RIN2: variants seen among roughly 807,000 people sequenced by gnomAD.
RIN2 encodes the protein Ras and Rab interactor 2, also known as RAB5 interacting protein 2.
RIN2 carries 36 observed loss-of-function variants against 78.0 expected under a neutral mutation model. The observed-to-expected ratio is 0.46, with a 90% CI of 0.35 to 0.61. The LOEUF (loss-of-function observed/expected upper bound fraction) is 0.61. Ranked by LOEUF, RIN2 falls within the 20% of genes least tolerant of loss-of-function variation. RIN2 has a pLI of 0.00. For missense variants in RIN2, 1,087 were observed against 1,159.7 expected (o/e 0.94, Z 0.91); for synonymous variants, 466 against 466.8 (o/e 1.00, Z 0.02).
intron 10 of RIN2, among the ~76,000 whole-genome samples, chr20:19,990,992 G>A (rs936598991): frequency 6.6e-6 from 1 of 152,148 alleles, no homozygotes; most frequent in African/African-American, 2.4e-5. Context: ...TAGATGCAGG[G>A]GTAACCATGA....
intron 2 of RIN2, among the ~76,000 whole-genome samples, chr20:19,857,811 C>T (rs554808334): frequency 1.2e-4 from 19 of 152,132 alleles, no homozygotes; most frequent in East Asian, 5.8e-4. Context: ...CAAAGTGAGA[C>T]CCTGTCTCTA....
chr20:19,771,855 T>C (rs1242972882), intron 1 of RIN2, among the ~76,000 whole-genome samples: 1 of 152,146 alleles, frequency 6.6e-6, no homozygotes, highest in Non-Finnish European at 1.5e-5. Flanking sequence ...GACTCTCCCT[T>C]CTCAAGCCTC....
At chr20:19,970,047 T>C (rs1411059699) in intron 7 of RIN2, among the ~76,000 whole-genome samples, 12 of 152,186 alleles carry the variant, frequency 7.9e-5, no homozygotes, top group Admixed American at 4.6e-4. Flanking sequence ...GGTCTGTTGC[T>C]CTCTCTGCCA....
intron 3 of RIN2, chr20:19,934,623 T>A: frequency 1.0e-6 from 1 of 975,132 alleles, no homozygotes; most frequent in Non-Finnish European, 1.2e-6. Flanking sequence ...AATCAATATG[T>A]AAGCTGGATA....
At chr20:19,867,968 T>C (rs996716037) in intron 2 of RIN2, among the ~76,000 whole-genome samples, 5 of 152,210 alleles carry the variant, frequency 3.3e-5, no homozygotes, top group African/African-American at 1.2e-4. Context: ...ATCAGCAGCC[T>C]GTTCTGTGGC....
chr20:19,996,979 C>T, intron 12 of RIN2, 137 bp downstream of exon 12: 2 of 835,030 alleles, frequency 2.4e-6, no homozygotes, highest in Non-Finnish European at 3.7e-6. Context: ...CACCCTCTGG[C>T]CTTGTTACAC....
chr20:19,889,901 G>C (rs564679394), intron 3 of RIN2, among the ~76,000 whole-genome samples: 7 of 152,306 alleles, frequency 4.6e-5, no homozygotes, highest in African/African-American at 1.7e-4. Flanking sequence ...GTGCAAGACG[G>C]CTGAGGCTGT....
intron 3 of RIN2, among the ~76,000 whole-genome samples, chr20:19,907,473 C>A (rs905615162): frequency 6.6e-6 from 1 of 152,214 alleles, no homozygotes; most frequent in African/African-American, 2.4e-5. Context: ...ACACTGGGTG[C>A]ATTCTCATCC....
chr20:19,918,230 C>A (rs868739034), intron 3 of RIN2, among the ~76,000 whole-genome samples: 1 of 150,076 alleles, frequency 6.7e-6, no homozygotes. Context: ...TTAAGGAAAC[C>A]AAAGGCCAGA....
intron 3 of RIN2, among the ~76,000 whole-genome samples, chr20:19,926,465 G>A (rs1334585688): frequency 6.6e-6 from 1 of 152,102 alleles, no homozygotes; most frequent in Admixed American, 6.6e-5. Flanking sequence ...GGGGGCAAAG[G>A]TCATTTGAAA....
intron 11 of RIN2, among the ~76,000 whole-genome samples, chr20:19,996,346 A>AC (rs1398938791): frequency 5.9e-5 from 9 of 152,198 alleles, no homozygotes; most frequent in Admixed American, 1.3e-4. Flanking sequence ...AAACAAACAA[A>AC]AAAAACACTT....
intron 4 of RIN2, among the ~76,000 whole-genome samples, chr20:19,950,896 TTTTC>T (rs1217677662): frequency 5.4e-4 from 82 of 151,114 alleles, no homozygotes; most frequent in African/African-American, 1.5e-3. Context: ...TTTTTTTTTT[TTTTC>T]TTTTTTTGGG....
chr20:19,819,888 T>C (rs975218720), intron 2 of RIN2, among the ~76,000 whole-genome samples: 8 of 152,198 alleles, frequency 5.3e-5, no homozygotes, highest in Non-Finnish European at 1.2e-4. Flanking sequence ...TGATAAGTGA[T>C]CAGAGACGAC....
At chr20:19,999,666 G>A (rs2043080971) in intron 12 of RIN2, among the ~76,000 whole-genome samples, 1 of 152,228 alleles carries the variant, frequency 6.6e-6, no homozygotes, top group African/African-American at 2.4e-5. Flanking sequence ...AGCCTGATGT[G>A]AGTTTAAGAT....
intron 2 of RIN2, among the ~76,000 whole-genome samples, chr20:19,862,914 T>C (rs1365695646): frequency 6.6e-6 from 1 of 152,204 alleles, no homozygotes; most frequent in African/African-American, 2.4e-5. Flanking sequence ...TAACATGACT[T>C]AATGTAGCAA....
chr20:19,934,223 A>T (rs1481844230), intron 3 of RIN2, among the ~76,000 whole-genome samples: 1 of 152,280 alleles, frequency 6.6e-6, no homozygotes, highest in African/African-American at 2.4e-5. Flanking sequence ...CGCTTATTTT[A>T]AAACAATAAT....
intron 3 of RIN2, among the ~76,000 whole-genome samples, chr20:19,912,383 C>A (rs2039506790): frequency 1.3e-5 from 2 of 152,120 alleles, no homozygotes; most frequent in South Asian, 2.1e-4. Context: ...GGCATCTCAG[C>A]CAGTTCACCT....
At chr20:19,877,144 C>G (rs1026094551) in intron 2 of RIN2, among the ~76,000 whole-genome samples, 5 of 152,136 alleles carry the variant, frequency 3.3e-5, no homozygotes, top group Admixed American at 1.3e-4. Context: ...TTCCCCCTTG[C>G]TGGAGATGCT....
chr20:19,982,686 A>T (rs370219296), intron 9 of RIN2, among the ~76,000 whole-genome samples: 1 of 152,136 alleles, frequency 6.6e-6, no homozygotes, highest in African/African-American at 2.4e-5. Flanking sequence ...GCCCACTGAC[A>T]CTTGCTTACC....
Sources: gnomAD v4.1 joint callset for allele counts (sites outside exome capture counted in the v4.1 genomes callset) on GRCh38, gnomAD v4.1.1 for gene constraint, MANE v1.5 for transcripts, NCBI Gene and HGNC (gene_info 2026-07-23, HGNC 2026-07-21) for gene names.